CTNNA2: variants seen among roughly 807,000 people sequenced by gnomAD.
CTNNA2 encodes the protein catenin alpha 2, also known as catenin alpha-2.
Under a neutral mutation model 101.0 loss-of-function variants are expected in CTNNA2, and 42 were observed. The observed-to-expected ratio is 0.42, with a 90% CI of 0.32 to 0.54. CTNNA2 has a LOEUF of 0.54. CTNNA2 is among the 20% of genes least tolerant of loss of function. CTNNA2 has a pLI of 0.14. For synonymous variants in CTNNA2, 450 were observed against 456.4 expected, an observed-to-expected ratio of 0.99 and a Z score of 0.18; for missense variants, 871 against 1,223.1, an observed-to-expected ratio of 0.71 and a Z score of 4.29.
intron 7 of CTNNA2, among the ~76,000 whole-genome samples, chr2:80,321,923 C>A (rs1678733029): frequency 6.7e-6 from 1 of 149,512 alleles, no homozygotes; most frequent in African/African-American, 2.5e-5. Context: ...TGAAGATTCT[C>A]TGTATTTTAT....
At chr2:79,541,558 T>C (rs985139455) in intron 1 of CTNNA2, among the ~76,000 whole-genome samples, 2 of 151,686 alleles carry the variant, frequency 1.3e-5, no homozygotes, top group Non-Finnish European at 2.9e-5. Context: ...AGGAGTTGAT[T>C]AATAGGTTAA....
At chr2:79,670,352 C>T (rs1241598956) in intron 2 of CTNNA2, among the ~76,000 whole-genome samples, 1 of 152,108 alleles carries the variant, frequency 6.6e-6, no homozygotes, top group African/African-American at 2.4e-5. Flanking sequence ...GCTGTAGCCC[C>T]GCCCTCCTGG....
intron 7 of CTNNA2, among the ~76,000 whole-genome samples, chr2:80,186,852 A>G (rs1302796027): frequency 1.3e-5 from 2 of 152,208 alleles, no homozygotes; most frequent in Admixed American, 6.5e-5. Context: ...GTCTTTCAGC[A>G]AAACAAAAGT....
intron 11 of CTNNA2, among the ~76,000 whole-genome samples, chr2:80,550,893 G>A (rs895531716): frequency 6.6e-6 from 1 of 152,144 alleles, no homozygotes; most frequent in Non-Finnish European, 1.5e-5. Flanking sequence ...GATGTTCTTA[G>A]TGGCAACTAG....
intron 7 of CTNNA2, among the ~76,000 whole-genome samples, chr2:80,121,753 CAAA>C (rs1163348529): frequency 6.6e-6 from 1 of 152,014 alleles, no homozygotes. Flanking sequence ...GGTGTAATTC[CAAA>C]GTAAAATCTA....
chr2:79,691,889 C>T (rs879124483), intron 2 of CTNNA2, among the ~76,000 whole-genome samples: 1 of 152,108 alleles, frequency 6.6e-6, no homozygotes, highest in African/African-American at 2.4e-5. Flanking sequence ...GGATTAAAGA[C>T]TTAAATGTAA....
intron 7 of CTNNA2, among the ~76,000 whole-genome samples, chr2:79,993,677 G>C (rs1278701356): frequency 6.6e-6 from 1 of 152,026 alleles, no homozygotes; most frequent in Non-Finnish European, 1.5e-5. Context: ...AGATGAGAAG[G>C]GTGTTCCAGT....
chr2:79,360,654 G>T (rs1019405784), intron 3 of CTNNA2, among the ~76,000 whole-genome samples: 7 of 152,144 alleles, frequency 4.6e-5, no homozygotes, highest in African/African-American at 1.7e-4. Context: ...GCTGATTAAG[G>T]GTATGGATAA....
At chr2:79,644,411 T>C (rs979528315) in intron 1 of CTNNA2, among the ~76,000 whole-genome samples, 66 of 152,182 alleles carry the variant, frequency 4.3e-4, no homozygotes, top group African/African-American at 1.6e-3. Flanking sequence ...TTTCCCTTTT[T>C]TAAAGGCCAC....
At chr2:79,247,761 TAGA>T (rs1278349308) in intron 2 of CTNNA2, among the ~76,000 whole-genome samples, 1 of 152,148 alleles carries the variant, frequency 6.6e-6, no homozygotes, top group Non-Finnish European at 1.5e-5. Context: ...AATTTGAGCA[TAGA>T]AGAAGGTGAC....
At chr2:80,145,168 C>A (rs1703257702) in intron 7 of CTNNA2, among the ~76,000 whole-genome samples, 2 of 152,120 alleles carry the variant, frequency 1.3e-5, no homozygotes, top group Non-Finnish European at 2.9e-5. Flanking sequence ...AGCCTATGTG[C>A]CCTGTTTGAA....
chr2:79,558,683 T>C (rs951049808), intron 1 of CTNNA2, among the ~76,000 whole-genome samples: 1 of 150,468 alleles, frequency 6.6e-6, no homozygotes, highest in African/African-American at 2.5e-5. Flanking sequence ...TGAAATGAGA[T>C]AGTATAGGGA....
chr2:80,464,445 G>T (rs1252367112), intron 9 of CTNNA2, among the ~76,000 whole-genome samples: 1 of 152,062 alleles, frequency 6.6e-6, no homozygotes, highest in African/African-American at 2.4e-5. Flanking sequence ...TGCCCTGATG[G>T]TTGAATCATT....
intron 1 of CTNNA2, among the ~76,000 whole-genome samples, chr2:79,584,245 G>C (rs1199875979): frequency 6.6e-6 from 1 of 152,144 alleles, no homozygotes; most frequent in Non-Finnish European, 1.5e-5. Context: ...CATCTACTCA[G>C]ACTACCTGTT....
intron 4 of CTNNA2, among the ~76,000 whole-genome samples, chr2:79,466,600 C>T (rs1196256242): frequency 3.3e-5 from 5 of 152,200 alleles, no homozygotes; most frequent in Non-Finnish European, 7.3e-5. Flanking sequence ...TCCCTGGCCC[C>T]TGAGTAGCCT....
chr2:79,323,902 T>C (rs1676683764), intron 3 of CTNNA2, among the ~76,000 whole-genome samples: 1 of 152,212 alleles, frequency 6.6e-6, no homozygotes, highest in African/African-American at 2.4e-5. Context: ...GGGAATTATC[T>C]TGTTAACACC....
intron 7 of CTNNA2, among the ~76,000 whole-genome samples, chr2:79,964,167 T>C (rs1255375090): frequency 1.3e-5 from 2 of 152,236 alleles, no homozygotes; most frequent in Non-Finnish European, 2.9e-5. Flanking sequence ...TCTTCTGTTA[T>C]TGTCTCACTT....
chr2:80,557,715 G>GC (rs1389306730), intron 12 of CTNNA2, among the ~76,000 whole-genome samples: 2 of 152,146 alleles, frequency 1.3e-5, no homozygotes, highest in Admixed American at 1.3e-4. Context: ...TTGTATCTTG[G>GC]ACTGCTTTGA....
rs61454985 is a variant in CTNNA2, at chr2:80,232,345, G to GTTTTTTTTTTTTTTTTTTTTTTTTT, written c.1057-160847_1057-160823dup. ...GTTTTGTTTGTTTGTTTGTTTGTTT[G>GTTTTTTTTTTTTTTTTTTTTTTTTT]TTTTTTTTTTTTTTTTTTTTTTTTT... is the stretch of plus-strand genomic sequence containing the variant. On this transcript the variant is annotated intron_variant, in intron 7 of 18. Coordinates refer to ENST00000402739, the MANE Select transcript of CTNNA2 (RefSeq NM_001282597.3). Among the ~76,000 whole-genome samples the GTTTTTTTTTTTTTTTTTTTTTTTTT allele has an allele frequency of 2.5e-3, 164 of 64,744 alleles. 7 individuals are homozygous for GTTTTTTTTTTTTTTTTTTTTTTTTT. The highest frequency in any genetic ancestry group is 3.3e-3 in the Non-Finnish European group (130 of 38,916). The allele number at this position is 64,744 out of a possible 152,430, so 42.5% of individuals were successfully genotyped here. A position where few individuals can be genotyped will look rare whatever the true frequency, so the allele number is the denominator to read the frequency against.
Sources: gnomAD v4.1 joint callset for allele counts (sites outside exome capture counted in the v4.1 genomes callset) on GRCh38, gnomAD v4.1.1 for gene constraint, MANE v1.5 for transcripts, NCBI Gene and HGNC (gene_info 2026-07-23, HGNC 2026-07-21) for gene names.